NLRP10: variants seen among roughly 807,000 people sequenced by gnomAD.
The protein encoded by NLRP10 is NACHT, LRR and PYD domains-containing protein 10.
A neutral mutation model predicts 8.2 loss-of-function variants in NLRP10; 7 were observed. The ratio of observed to expected loss-of-function variants is 0.85; its 90% CI spans 0.48 to 1.60. The LOEUF is 1.60. Ranked by LOEUF, NLRP10 falls within the 40% of genes most tolerant of loss-of-function variation. The probability of loss-of-function intolerance (pLI) is 0.00; values close to 1 mark genes in which losing one functional copy is unlikely to be tolerated. For synonymous variants in NLRP10, 338 were observed against 314.0 expected (o/e 1.08, Z -0.81); for missense variants, 814 against 776.3 (o/e 1.05, Z -0.58).
Position 7,958,722 on chromosome 11 carries a change from G to A in NLRP10, c.*922C>T, listed in dbSNP as rs1225780507. On this transcript the variant is annotated 3_prime_UTR_variant, in exon 3 of 3. Transcript: ENST00000691676. The stretch of plus-strand genomic sequence containing the variant: ...GCACCACCACGCCCGGCTAACTTTC[G>A]TATTTTTAGTAAAGACGGGGTTTCA... Among the ~76,000 whole-genome samples, 1 of 152,086 alleles carries A rather than the reference G, an allele frequency of 6.6e-6. No individual in the cohort carries two copies. The highest frequency in any genetic ancestry group is 6.5e-5 in the Admixed American group (1 of 15,268).
Position 7,961,019 on chromosome 11 carries a change from C to T in NLRP10, c.593G>A (p.Gly198Asp). ...TACATAAAAGACATAATCAAACCGG[C>T]CTGGGTACAGAGTACCGGTGGCCCA... ...LDWATGTLYP[G>D]RFDYVFYVSC... The change falls in exon 3 of 3, where the codon GGC becomes GAC. Residue 198 changes from glycine (G) to aspartate (D), a missense_variant. Coordinates refer to ENST00000691676, the MANE Select transcript of NLRP10 (RefSeq NM_001391958.1). The T allele has an allele frequency of 3.1e-6, 5 of 1,614,196 alleles. No individual in the cohort carries two copies. The highest frequency in any genetic ancestry group is 4.2e-6 in the Non-Finnish European group (5 of 1,180,022).
rs367968978 is a variant in NLRP10, at chr11:7,960,337, C to T, written c.1275G>A (p.Arg425=). The part of the protein sequence containing the change: ...SLAAEGIQHQ[R]FLFEEAELRK... ...TGAGCTCAGCTTCTTCAAATAGGAA[C>T]CTCTGGTGCTGAATCCCTTCAGCTG... Residue 425 remains arginine, a synonymous_variant, in exon 3 of 3, where the codon AGG becomes AGA. Transcript: ENST00000691676. The T allele has an allele frequency of 1.7e-5, 27 of 1,613,998 alleles. No individual in the cohort carries two copies. The highest frequency in any genetic ancestry group is 2.3e-5 in the Non-Finnish European group (27 of 1,180,036).
chr11:7,959,963 T>G lies in NLRP10; in HGVS notation c.1649A>C (p.Glu550Ala). 6.2e-7 allele frequency: 1 copy of G among 1,614,198 alleles called. No homozygotes were observed. The highest frequency in any genetic ancestry group is 1.1e-5 in the South Asian group (1 of 91,076). ...CLAQDLKHFK[E>A]QMESMKHNRT... ...GTTGTGCTTCATAGATTCCATCTGT[T>G]CTTTAAAATGCTTCAGATCCTGCGC... Residue 550 changes from glutamate to alanine, a missense_variant, in exon 3 of 3, where the codon GAA becomes GCA. Coordinates refer to ENST00000691676, the MANE Select transcript of NLRP10 (RefSeq NM_001391958.1).
intron 2 of NLRP10, among the ~76,000 whole-genome samples, chr11:7,962,231 C>CTTTGTTTTTTTTTTTTTTTTT (rs1941743863): frequency 1.5e-5 from 1 of 66,994 alleles, no homozygotes; most frequent in Non-Finnish European, 2.6e-5. Flanking sequence ...TAAGCCTGTT[C>CTTTGTTTTTTTTTTTTTTTTT]TTTTTTTTTT....
rs1419142160 is a variant in NLRP10 at position 7,960,094 on chromosome 11, C to T, written c.1518G>A (p.Gly506=). Residue 506 remains glycine, a synonymous_variant, in exon 3 of 3, where the codon GGG becomes GGA. Coordinates refer to ENST00000691676, the MANE Select transcript of NLRP10 (RefSeq NM_001391958.1). ...QRLLEVKEQE[G]NDEMTLTMQF... ...GCATAGTGAGGGTCATCTCATCATT[C>T]CCTTCCTGCTCCTTTACCTCCAGCA... 1 of 1,614,130 alleles carries T rather than the reference C, an allele frequency of 6.2e-7. No individual in the cohort carries two copies.
rs1430803975 is a variant in NLRP10 at position 7,958,183 on chromosome 11, T to C, written c.*1461A>G. Among the ~76,000 whole-genome samples, 3 of 152,260 alleles carry C rather than the reference T, an allele frequency of 2.0e-5. No homozygotes were observed. The highest frequency in any genetic ancestry group is 7.2e-5 in the African/African-American group (3 of 41,474). ...CGAATAAAGCTGCTATAAATATTCA[T>C]GTGCAGGTTTTTATGTGGACATAAG... On this transcript the variant is annotated 3_prime_UTR_variant, in exon 3 of 3. Transcript: ENST00000691676.
intron 1 of NLRP10, 33 bp from the exon 2 acceptor site, chr11:7,963,573 C>A: frequency 7.5e-7 from 1 of 1,337,588 alleles, no homozygotes. Flanking sequence ...AGGTCCACTG[C>A]TGAGAGGCCC....
At position 7,958,123 on chromosome 11, in the gene NLRP10, A is replaced by G. The variant is rs2133637628; in HGVS notation, c.*1521T>C. Among the ~76,000 whole-genome samples the G allele has an allele frequency of 6.6e-6, 1 of 152,330 alleles. No homozygotes were observed. Among genetic ancestry groups the G allele is most frequent in the South Asian group, 2.1e-4 (1 of 4,834 alleles). ...AGTTTGCTTATCCATCACCTATTGA[A>G]GGACATCTTGGTTGCTTCCAAATTT... On this transcript the variant is annotated 3_prime_UTR_variant, in exon 3 of 3. Transcript: ENST00000691676.
rs770424200 is a variant in NLRP10 at position 7,960,693 on chromosome 11, C to T, written c.919G>A (p.Ala307Thr). The stretch of plus-strand genomic sequence containing the variant: ...AAGCCTAGGATATGGACATGACGTG[C>T]TTGTTTCAGCAAGGGCTCCAGATTC... ...LRNLEPLLKQARHVHILGFSE... is the reference protein window; with the variant it reads ...LRNLEPLLKQTRHVHILGFSE... Residue 307 changes from alanine to threonine, a missense_variant, in exon 3 of 3, where the codon GCA becomes ACA. Coordinates refer to ENST00000691676, the MANE Select transcript of NLRP10 (RefSeq NM_001391958.1). 1 of 1,614,178 alleles carries T rather than the reference C, an allele frequency of 6.2e-7. No homozygotes were observed. The highest frequency in any genetic ancestry group is 1.1e-5 in the South Asian group (1 of 91,084).
chr11:7,957,907 T>C lies in NLRP10; in HGVS notation c.*1737A>G, dbSNP rs975776852. 2.6e-5 allele frequency among the ~76,000 whole-genome samples: 4 copies of C among 152,192 alleles called. No individual in the cohort carries two copies. The highest frequency in any genetic ancestry group is 9.6e-5 in the African/African-American group (4 of 41,462). ...CTCTCCTTGAACCCCTGACAACCACTGATTTTTAATTGTCTCCATAGTTTT... is the reference window on the plus strand; with the variant it reads ...CTCTCCTTGAACCCCTGACAACCACCGATTTTTAATTGTCTCCATAGTTTT... On this transcript the variant is annotated 3_prime_UTR_variant, in exon 3 of 3. Coordinates refer to ENST00000691676, the MANE Select transcript of NLRP10 (RefSeq NM_001391958.1).
chr11:7,963,164 C>A (rs747034293), intron 2 of NLRP10, 43 bp downstream of exon 2: 2 of 1,571,992 alleles, frequency 1.3e-6, no homozygotes, highest in African/African-American at 1.3e-5. Context: ...GGAGGGGAGT[C>A]CCAGTGCCAT....
chr11:7,957,806 C>G lies in NLRP10; in HGVS notation c.*1838G>C, dbSNP rs1941644330. Reference sequence around the variant, plus strand: ...GTTTTGAAAAATTTATGTCATGACTCCATCATTATAATATCACACAGAATA... The same window carrying G: ...GTTTTGAAAAATTTATGTCATGACTGCATCATTATAATATCACACAGAATA... On this transcript the variant is annotated 3_prime_UTR_variant, in exon 3 of 3. Transcript: ENST00000691676. 6.6e-6 allele frequency among the ~76,000 whole-genome samples: 1 copy of G among 152,104 alleles called. No homozygotes were observed. The highest frequency in any genetic ancestry group is 1.5e-5 in the Non-Finnish European group (1 of 68,020).
intron 1 of NLRP10, among the ~76,000 whole-genome samples, chr11:7,964,303 G>A (rs1018139918): frequency 5.3e-5 from 8 of 151,332 alleles, no homozygotes; most frequent in Non-Finnish European, 8.8e-5. Flanking sequence ...GAACTGCTGT[G>A]GTATGGCAAG....
rs1286152816 is a variant in NLRP10 at position 7,960,353 on chromosome 11, C to T, written c.1259G>A (p.Gly420Glu). 6.2e-7 allele frequency: 1 copy of T among 1,613,846 alleles called. No individual in the cohort carries two copies. The highest frequency in any genetic ancestry group is 1.3e-5 in the African/African-American group (1 of 74,914). Residue 420 changes from glycine to glutamate, a missense_variant, in exon 3 of 3, where the codon GGG (glycine) becomes GAG (glutamate). Transcript: ENST00000691676. ...LRSLCSLAAE[G>E]IQHQRFLFEE... ...AAATAGGAACCTCTGGTGCTGAATCCCTTCAGCTGCTAGGGAGCACAGACT... is the reference window on the plus strand; with the variant it reads ...AAATAGGAACCTCTGGTGCTGAATCTCTTCAGCTGCTAGGGAGCACAGACT...
At position 7,963,352 on chromosome 11, in the gene NLRP10, C is replaced by T; in HGVS notation, c.144G>A (p.Glu48=). The T allele has an allele frequency of 6.2e-7, 1 of 1,614,252 alleles. No homozygotes were observed. Among genetic ancestry groups the T allele is most frequent in the Non-Finnish European group, 8.5e-7 (1 of 1,180,036 alleles). The change falls in exon 2 of 3, where the codon GAG becomes GAA. Residue 48 remains glutamate (E), a synonymous_variant. Transcript: ENST00000691676. The stretch of plus-strand genomic sequence containing the variant: ...GGTCCACCGGAATCAGGCCCTCCAA[C>T]TCCCCTCTGGCCAGTGGGGGCTGGC... ...SEGQPPLARG[E]LEGLIPVDLA...
chr11:7,959,432 C>T lies in NLRP10; in HGVS notation c.*212G>A, dbSNP rs1442579766. On this transcript the variant is annotated 3_prime_UTR_variant, in exon 3 of 3. Transcript: ENST00000691676. ...CTTTGCACATAAACATTAGAATCAT[C>T]TTATCAATGTCCACAAAGTTATTTG... 1 of 480,072 alleles carries T rather than the reference C, an allele frequency of 2.1e-6. No homozygotes were observed. The highest frequency in any genetic ancestry group is 3.6e-6 in the Non-Finnish European group (1 of 276,374). The allele number at this position is 480,072 out of a possible 1,614,324, so 29.7% of individuals were successfully genotyped here.
Position 7,962,231 on chromosome 11 carries a change from CTTT to C in NLRP10, c.290-912_290-910del, listed in dbSNP as rs71452435. 7.6e-3 allele frequency among the ~76,000 whole-genome samples: 508 copies of C among 66,986 alleles called. 7 individuals carry two copies. Among genetic ancestry groups the C allele is most frequent in the African/African-American group, 0.027 (476 of 17,814 alleles). The allele number at this position is 66,986 out of a possible 152,430, so 43.9% of individuals were successfully genotyped here. A position where few individuals can be genotyped will look rare whatever the true frequency, so the allele number is the denominator to read the frequency against. On this transcript the variant is annotated intron_variant, in intron 2 of 2. Coordinates refer to ENST00000691676, the MANE Select transcript of NLRP10 (RefSeq NM_001391958.1). ...CCAAAGGGACTAAGATAAGCCTGTTCTTTTTTTTTTTTTTTTTTTTTTGAGATG... is the reference window on the plus strand; with the variant it reads ...CCAAAGGGACTAAGATAAGCCTGTTCTTTTTTTTTTTTTTTTTTTGAGATG...
At position 7,959,582 on chromosome 11, in the gene NLRP10, GA is replaced by G; in HGVS notation, c.*61del. 2.5e-6 allele frequency: 2 copies of G among 808,268 alleles called. No individual in the cohort carries two copies. Among genetic ancestry groups the G allele is most frequent in the Middle Eastern group, 2.4e-4 (1 of 4,236 alleles). The allele number at this position is 808,268 out of a possible 1,614,324, so 50.1% of individuals were successfully genotyped here. On this transcript the variant is annotated 3_prime_UTR_variant, in exon 3 of 3. Coordinates refer to ENST00000691676, the MANE Select transcript of NLRP10 (RefSeq NM_001391958.1). ...CTTCCCATTCATTTACAGCTTCTTT[GA>G]TTTCTTTCCTCAGAGTGTTGTCATT...
rs1473359485 is a variant in NLRP10 at position 7,961,095 on chromosome 11, C to T, written c.517G>A (p.Gly173Arg). 1.2e-6 allele frequency: 2 copies of T among 1,614,176 alleles called. No individual in the cohort carries two copies. The highest frequency in any genetic ancestry group is 2.2e-5 in the East Asian group (1 of 44,874). The stretch of plus-strand genomic sequence containing the variant: ...GTTGTCTTTCCAGTGCCAGCCGACC[C>T]CTGTAGCACAACTAAGGATGGGGCC... ...SLAPSLVVLQ[G>R]SAGTGKTTLA... Residue 173 changes from glycine to arginine, a missense_variant, in exon 3 of 3, where the codon GGG (glycine) becomes AGG (arginine). Transcript: ENST00000691676.
Sources: gnomAD v4.1 joint callset for allele counts (sites outside exome capture counted in the v4.1 genomes callset) on GRCh38, gnomAD v4.1.1 for gene constraint, MANE v1.5 for transcripts, NCBI Gene and HGNC (gene_info 2026-07-23, HGNC 2026-07-21) for gene names.